ARID3A: variants seen among roughly 807,000 people sequenced by gnomAD.
ARID3A encodes AT-rich interaction domain 3A.
ARID3A carries 11 observed loss-of-function variants against 52.7 expected under a neutral mutation model. That is an observed-to-expected ratio of 0.21 (90% CI 0.13 to 0.35). The LOEUF (loss-of-function observed/expected upper bound fraction) is 0.35. Ranked by LOEUF, ARID3A falls within the 10% of genes least tolerant of loss-of-function variation. ARID3A has a pLI of 1.00. For synonymous variants in ARID3A, 404 were observed against 359.4 expected, an observed-to-expected ratio of 1.12 and a Z score of -1.40; for missense variants, 721 against 838.5, an observed-to-expected ratio of 0.86 and a Z score of 1.73.
chr19:940,505 G>A (rs553020498), intron 3 of ARID3A, among the ~76,000 whole-genome samples: 9 of 152,120 alleles, frequency 5.9e-5, no homozygotes, highest in African/African-American at 1.2e-4. Context: ...GAGACAGAAC[G>A]GAGGCACCCT....
intron 8 of ARID3A, 168 bp downstream of exon 8, chr19:968,671 C>T (rs2038214536): frequency 1.7e-6 from 1 of 604,376 alleles, no homozygotes; most frequent in Non-Finnish European, 3.0e-6. Flanking sequence ...GGAGAGGATA[C>T]CATCGTTCAC....
At chr19:968,373 A>G (rs2038207618) in intron 7 of ARID3A, 32 bp from the exon 8 acceptor site, 6 of 1,587,540 alleles carry the variant, frequency 3.8e-6, no homozygotes, top group Non-Finnish European at 5.1e-6. Flanking sequence ...AAAAAAAGAA[A>G]AAAAGAAACT....
rs755223159 is a variant in ARID3A, at chr19:933,574, G to T, written c.693+832G>T. Among the ~76,000 whole-genome samples, 245 of 152,278 alleles carry T rather than the reference G, an allele frequency of 1.6e-3. 1 individual carries two copies. Among genetic ancestry groups the T allele is most frequent in the African/African-American group, 5.6e-3 (233 of 41,572 alleles). On this transcript the variant is annotated intron_variant, in intron 3 of 8. Transcript: ENST00000263620. Reference sequence around the variant, plus strand: ...CCGCAGGGAGGTGGATGATGGACACGCTGGGACATGCCTGCCTCGGGGCAG... The same window carrying T: ...CCGCAGGGAGGTGGATGATGGACACTCTGGGACATGCCTGCCTCGGGGCAG...
intron 2 of ARID3A, among the ~76,000 whole-genome samples, chr19:930,657 C>G (rs2037303524): frequency 1.3e-5 from 2 of 150,724 alleles, no homozygotes. Context: ...CTACAGGCGC[C>G]CGCCACCACG....
At chr19:936,826 G>A (rs1341313271) in intron 3 of ARID3A, among the ~76,000 whole-genome samples, 3 of 152,094 alleles carry the variant, frequency 2.0e-5, no homozygotes, top group African/African-American at 7.2e-5. Flanking sequence ...GTGTGGCAGA[G>A]AGAGATTCTG....
intron 3 of ARID3A, among the ~76,000 whole-genome samples, chr19:951,070 C>T (rs1352972677): frequency 1.3e-5 from 2 of 151,980 alleles, no homozygotes; most frequent in African/African-American, 4.8e-5. Flanking sequence ...GATCCGCCCG[C>T]CTCAGCCTCC....
At chr19:952,549 C>CCTG (rs1339367496) in intron 3 of ARID3A, among the ~76,000 whole-genome samples, 12 of 152,054 alleles carry the variant, frequency 7.9e-5, no homozygotes. Flanking sequence ...GGCCAACCCT[C>CCTG]CTGGAGGCTC....
Position 941,560 on chromosome 19 carries a change from G to A in ARID3A, c.693+8818G>A. ...TGTTGGTGAGTGTGTCCAGACGTGT[G>A]TCTGCCCTGACGTCCTTTGTGAATG... On this transcript the variant is annotated intron_variant, in intron 3 of 8. Coordinates refer to ENST00000263620, the MANE Select transcript of ARID3A (RefSeq NM_005224.3). This position sits in a 1 kb window ranked among gnomAD's most constrained non-coding sequence, Gnocchi z 6.9. Among the ~76,000 whole-genome samples, 1 of 152,178 alleles carries A rather than the reference G, an allele frequency of 6.6e-6. No individual in the cohort carries two copies. The highest frequency in any genetic ancestry group is 1.5e-5 in the Non-Finnish European group (1 of 68,046).
rs946383807 is a variant in ARID3A at position 947,742 on chromosome 19, T to A, written c.694-12350T>A. 6.6e-6 allele frequency among the ~76,000 whole-genome samples: 1 copy of A among 152,160 alleles called. No homozygotes were observed. Among genetic ancestry groups the A allele is most frequent in the Non-Finnish European group, 1.5e-5 (1 of 68,018 alleles). ...CATTGTCATTTCTGGAGAGTGTTAT[T>A]AATATCCGCCCCGTGGGTGCGGCGC... On this transcript the variant is annotated intron_variant, in intron 3 of 8. Coordinates refer to ENST00000263620, the MANE Select transcript of ARID3A (RefSeq NM_005224.3). This position sits in a 1 kb window ranked among gnomAD's most constrained non-coding sequence, Gnocchi z 6.3.
At chr19:937,245 C>G (rs753371731) in intron 3 of ARID3A, among the ~76,000 whole-genome samples, 1 of 152,222 alleles carries the variant, frequency 6.6e-6, no homozygotes, top group Non-Finnish European at 1.5e-5. Flanking sequence ...GCCTGGGCAA[C>G]AGAGGGAGAC....
chr19:954,107 G>A (rs1362817736), intron 3 of ARID3A, among the ~76,000 whole-genome samples: 3 of 152,124 alleles, frequency 2.0e-5, no homozygotes, highest in Admixed American at 2.0e-4. Flanking sequence ...GCAGGGAGGG[G>A]CCAGGAGGGT....
At position 960,337 on chromosome 19, in the gene ARID3A, G is replaced by A. The variant is rs536227811; in HGVS notation, c.766+173G>A. Among the ~76,000 whole-genome samples the A allele has an allele frequency of 2.0e-5, 3 of 152,262 alleles. No individual in the cohort carries two copies. Among genetic ancestry groups the A allele is most frequent in the African/African-American group, 7.2e-5 (3 of 41,548 alleles). On this transcript the variant is annotated intron_variant, in intron 4 of 8. Transcript: ENST00000263620. This position sits in a 1 kb window ranked among gnomAD's most constrained non-coding sequence, Gnocchi z 4.3. ...GGTGTCTTGGGGGGAAACACATCCT[G>A]CCATGGAGGTTTGACGCGGGAGGCA... is the stretch of plus-strand genomic sequence containing the variant.
At position 944,325 on chromosome 19, in the gene ARID3A, G is replaced by GTGTGT. The variant is rs1555727928; in HGVS notation, c.693+11583_693+11584insTGTGT. Among the ~76,000 whole-genome samples, 9 of 149,748 alleles carry GTGTGT rather than the reference G, an allele frequency of 6.0e-5. No individual in the cohort carries two copies. The highest frequency in any genetic ancestry group is 1.5e-4 in the African/African-American group (6 of 40,862). ...TCTGGCTGCAGGGGCGCGTCCAGGG[G>GTGTGT]GTGTGTGTGTGTGTGTGTGTGTGTC... On this transcript the variant is annotated intron_variant, in intron 3 of 8. Coordinates refer to ENST00000263620, the MANE Select transcript of ARID3A (RefSeq NM_005224.3). The surrounding 1 kb of genome is among the most constrained non-coding windows in gnomAD (Gnocchi z 5.9).
chr19:932,638 C>T lies in ARID3A; in HGVS notation c.589C>T (p.Arg197Trp), dbSNP rs894864274. 28 of 1,536,162 alleles carry T rather than the reference C, an allele frequency of 1.8e-5. No individual in the cohort carries two copies. The highest frequency in any genetic ancestry group is 2.4e-5 in the South Asian group (2 of 83,318). The part of the protein sequence containing the change: ...GVPRVLGGQE[R>W]PGPGPAHPGG... ...TCCCAGGGTGCTGGGGGGCCAGGAGCGGCCGGGGCCTGGCCCTGCCCACCC... is the reference window on the plus strand; with the variant it reads ...TCCCAGGGTGCTGGGGGGCCAGGAGTGGCCGGGGCCTGGCCCTGCCCACCC... Residue 197 changes from arginine (R) to tryptophan (W), a missense_variant, in exon 3 of 9, where the codon CGG (arginine) becomes TGG (tryptophan). Transcript: ENST00000263620.
intron 1 of ARID3A, chr19:928,932 A>G (rs944799143): frequency 6.6e-6 from 1 of 152,102 alleles, no homozygotes; most frequent in African/African-American, 2.4e-5. Context: ...CTTAGAACCC[A>G]CCTGACTGGG....
At chr19:955,154 C>T (rs1332684814) in intron 3 of ARID3A, among the ~76,000 whole-genome samples, 5 of 152,104 alleles carry the variant, frequency 3.3e-5, no homozygotes, top group East Asian at 1.9e-4. Flanking sequence ...CAGTTCAACC[C>T]GGGATCTGGC....
rs1048122841 is a variant in ARID3A at position 974,881 on chromosome 19, G to A, written c.*2816G>A. On this transcript the variant is annotated 3_prime_UTR_variant, in exon 9 of 9. Coordinates refer to ENST00000263620, the MANE Select transcript of ARID3A (RefSeq NM_005224.3). Reference sequence around the variant, plus strand: ...GGGACAGGCGGGGTGGGTGGGGGGTGGGCGCGAGGCTGGGTCCCGGCCCAG... The same window carrying A: ...GGGACAGGCGGGGTGGGTGGGGGGTAGGCGCGAGGCTGGGTCCCGGCCCAG... 1.7e-5 allele frequency: 3 copies of A among 176,772 alleles called. No homozygotes were observed. Among genetic ancestry groups the A allele is most frequent in the Non-Finnish European group, 3.6e-5 (3 of 84,124 alleles). The allele number at this position is 176,772 out of a possible 1,614,324, so 11.0% of individuals were successfully genotyped here.
chr19:930,290 G>A (rs562881457), intron 2 of ARID3A, among the ~76,000 whole-genome samples: 5 of 151,922 alleles, frequency 3.3e-5, no homozygotes, highest in South Asian at 2.1e-4. Flanking sequence ...TGTGGCTTAC[G>A]CCCGTAATCC....
chr19:946,439 CTTTTTT>C (rs58290960), intron 3 of ARID3A, among the ~76,000 whole-genome samples: 2 of 60,402 alleles, frequency 3.3e-5, no homozygotes, highest in Non-Finnish European at 6.3e-5. Flanking sequence ...TTTTTTGAAT[CTTTTTT>C]TTTTTTTTTT....
Sources: allele counts gnomAD v4.1 joint callset (sites outside exome capture counted in the v4.1 genomes callset), GRCh38; gene constraint gnomAD v4.1.1; non-coding constraint Gnocchi (gnomAD v3.1); transcripts MANE v1.5; gene names NCBI Gene and HGNC (gene_info 2026-07-23, HGNC 2026-07-21).